Variants in PDZD2 observed in about 807,000 individuals in gnomAD.
PDZD2 encodes the protein PDZ domain containing 2.
Under a neutral mutation model 220.7 loss-of-function variants are expected in PDZD2, and 90 were observed. The ratio of observed to expected loss-of-function variants is 0.41; its 90% confidence interval spans 0.34 to 0.49. The LOEUF (loss-of-function observed/expected upper bound fraction) is 0.49, where lower values mean the gene tolerates loss of function less well. PDZD2 is among the 20% of genes least tolerant of loss of function. The probability of loss-of-function intolerance (pLI) is 0.28; values close to 1 mark genes in which losing one functional copy is unlikely to be tolerated. For missense variants in PDZD2, 3,174 were observed against 3,608.5 expected (o/e 0.88, Z 3.08); for synonymous variants, 1,375 against 1,450.5 (o/e 0.95, Z 1.18).
intron 2 of PDZD2, among the ~76,000 whole-genome samples, chr5:31,826,675 C>CA (rs745683312): frequency 0.026 from 2,969 of 113,570 alleles, 32 homozygotes; most frequent in Middle Eastern, 0.095. Flanking sequence ...GACTCTGTCT[C>CA]AAAAAAAAAA....
chr5:31,963,894 A>G (rs544314307), intron 2 of PDZD2, among the ~76,000 whole-genome samples: 2 of 152,078 alleles, frequency 1.3e-5, no homozygotes, highest in South Asian at 2.1e-4. Context: ...ATCCTTCTCA[A>G]TGCCATGATG....
chr5:31,785,305 G>A (rs144832517), intron 1 of PDZD2, among the ~76,000 whole-genome samples: 2,912 of 151,360 alleles, frequency 0.019, 83 homozygotes, highest in African/African-American at 0.063. Context: ...GTTCACCAAG[G>A]TCAGGGTCAC....
intron 13 of PDZD2, 55 bp downstream of exon 13, chr5:32,059,411 T>C: frequency 3.5e-6 from 3 of 860,168 alleles, no homozygotes; most frequent in South Asian, 1.5e-5. Flanking sequence ...ATATGAAATA[T>C]ACACGTGTGA....
rs1745181096 is a variant in PDZD2, at chr5:32,109,607, C to T, written c.*1472C>T. 6.6e-6 allele frequency: 1 copy of T among 152,244 alleles called. No homozygotes were observed. The highest frequency in any genetic ancestry group is 1.5e-5 in the Non-Finnish European group (1 of 68,066). 9.4% of individuals were successfully genotyped at this position (152,244 alleles called of 1,614,324 possible). ...AGGTAAAGGAGCAGAAATGTAGTTA[C>T]AAGCCAGGTCGTCTTCAGTGGCACA... On this transcript the variant is annotated 3_prime_UTR_variant, in exon 25 of 25. Coordinates refer to ENST00000438447, the MANE Select transcript of PDZD2 (RefSeq NM_178140.4).
intron 1 of PDZD2, chr5:31,787,528 A>C (rs1279343071): frequency 6.6e-6 from 1 of 152,242 alleles, no homozygotes; most frequent in Non-Finnish European, 1.5e-5. Flanking sequence ...ATATGGACAG[A>C]TAGTCCATAG....
intron 2 of PDZD2, among the ~76,000 whole-genome samples, chr5:31,857,724 C>T (rs913443244): frequency 2.6e-5 from 4 of 152,174 alleles, no homozygotes; most frequent in Admixed American, 2.0e-4. Flanking sequence ...CTTTTCCCAT[C>T]CATTTTACTA....
intron 4 of PDZD2, among the ~76,000 whole-genome samples, 156 bp downstream of exon 4, chr5:31,995,874 G>A (rs1051653403): frequency 6.6e-6 from 1 of 152,118 alleles, no homozygotes; most frequent in African/African-American, 2.4e-5. Flanking sequence ...AGGCAAGAGT[G>A]GTTCGAATTG....
chr5:32,069,285 TTGAAG>T lies in PDZD2; in HGVS notation c.2452-280_2452-276del, dbSNP rs1740535957. Among the ~76,000 whole-genome samples, 6 of 146,506 alleles carry T rather than the reference TTGAAG, an allele frequency of 4.1e-5. No individual in the cohort carries two copies. In the East Asian group the frequency reaches 1.2e-3, roughly 29 times the overall value. ...TCTCAAAAAAAAAAAAAAAAAAAAA[TTGAAG>T]TGAGTTTTCCGGAGAGGCAGATATC... On this transcript the variant is annotated intron_variant, in intron 14 of 24. Transcript: ENST00000438447.
intron 2 of PDZD2, among the ~76,000 whole-genome samples, chr5:31,800,233 C>T (rs998092594): frequency 3.3e-5 from 5 of 152,030 alleles, no homozygotes; most frequent in Non-Finnish European, 5.9e-5. Flanking sequence ...TTCATTACAC[C>T]GAAAGGACAC....
Position 31,983,207 on chromosome 5 carries a change from C to G in PDZD2, c.529C>G (p.Arg177Gly). 1 of 1,614,026 alleles carries G rather than the reference C, an allele frequency of 6.2e-7. No individual in the cohort carries two copies. Among genetic ancestry groups the G allele is most frequent in the Non-Finnish European group, 8.5e-7 (1 of 1,179,930 alleles). ...NGGFIYLIML[R>G]RFKHKAHSTY... Reference sequence around the variant, plus strand: ...CGGCTTTATCTACCTGATCATGCTGCGTCGCTTTAAGCACAAAGCCCACTC... The same window carrying G: ...CGGCTTTATCTACCTGATCATGCTGGGTCGCTTTAAGCACAAAGCCCACTC... The change falls in exon 3 of 25, where the codon CGT (arginine) becomes GGT (glycine). Residue 177 changes from arginine (R) to glycine (G), a missense_variant. Around this residue, in one of 4 missense-constraint regions of PDZD2, gnomAD observed 632 missense variants for 708.1 expected, o/e 0.89. Transcript: ENST00000438447.
chr5:31,688,857 GACT>G (rs1299410554), intron 1 of PDZD2, among the ~76,000 whole-genome samples: 1 of 152,118 alleles, frequency 6.6e-6, no homozygotes, highest in Non-Finnish European at 1.5e-5. Flanking sequence ...AGGCCAAAAC[GACT>G]CTTTTGGTTT....
At chr5:31,929,261 G>T (rs969008814) in intron 2 of PDZD2, among the ~76,000 whole-genome samples, 2 of 152,188 alleles carry the variant, frequency 1.3e-5, no homozygotes, top group Admixed American at 6.5e-5. Context: ...CAGCATTTAT[G>T]CTTGCAGCCC....
intron 1 of PDZD2, among the ~76,000 whole-genome samples, chr5:31,690,601 T>G (rs922622780): frequency 6.6e-6 from 1 of 152,204 alleles, no homozygotes; most frequent in Non-Finnish European, 1.5e-5. Context: ...CAGATCACTC[T>G]AGTGTCTGCC....
chr5:32,013,619 G>A (rs971620888), intron 6 of PDZD2, among the ~76,000 whole-genome samples: 2 of 152,020 alleles, frequency 1.3e-5, no homozygotes, highest in South Asian at 2.1e-4. Flanking sequence ...TTTCACCACC[G>A]TTGTACCTGT....
intron 19 of PDZD2, among the ~76,000 whole-genome samples, chr5:32,084,418 A>T (rs1033633311): frequency 1.3e-5 from 2 of 152,246 alleles, no homozygotes; most frequent in African/African-American, 4.8e-5. Context: ...TGGTCACAGG[A>T]CATACCTCAG....
intron 2 of PDZD2, among the ~76,000 whole-genome samples, chr5:31,982,833 A>G (rs1486974212): frequency 1.3e-5 from 2 of 152,160 alleles, no homozygotes; most frequent in African/African-American, 4.8e-5. Flanking sequence ...GTGAAGAAGA[A>G]TTTTATTTTT....
At position 32,110,909 on chromosome 5, in the gene PDZD2, AT is replaced by A. The variant is rs1185029345; in HGVS notation, c.*2775del. ...CCTTTTTTAAGTAATTTTAAAAAAA[AT>A]AAACACTCTGCTTACTACTTGATTT... On this transcript the variant is annotated 3_prime_UTR_variant, in exon 25 of 25. Transcript: ENST00000438447. The A allele has an allele frequency of 6.6e-6, 1 of 152,208 alleles. No homozygotes were observed. Among genetic ancestry groups the A allele is most frequent in the Non-Finnish European group, 1.5e-5 (1 of 68,036 alleles). The allele number at this position is 152,208 out of a possible 1,614,324, so 9.4% of individuals were successfully genotyped here. A position where few individuals can be genotyped will look rare whatever the true frequency, so the allele number is the denominator to read the frequency against.
intron 1 of PDZD2, among the ~76,000 whole-genome samples, chr5:31,648,533 C>G (rs1311291915): frequency 1.3e-5 from 2 of 152,186 alleles, no homozygotes; most frequent in Admixed American, 6.5e-5. Context: ...CCCGCCTCCA[C>G]AGCAGCCGCC....
intron 2 of PDZD2, among the ~76,000 whole-genome samples, chr5:31,839,108 A>G (rs1757117382): frequency 6.6e-6 from 1 of 152,218 alleles, no homozygotes. Context: ...TTAACTGCAG[A>G]AAGACAGGAA....
Sources: gnomAD v4.1 joint callset for allele counts (sites outside exome capture counted in the v4.1 genomes callset) on GRCh38, gnomAD v4.1.1 for gene constraint, gnomAD v4.1.1 regional missense constraint, MANE v1.5 for transcripts, NCBI Gene and HGNC (gene_info 2026-07-23, HGNC 2026-07-21) for gene names.